WSCD2: variants seen among roughly 807,000 people sequenced by gnomAD.
WSCD2 encodes the protein WSC domain sialate O sulfotransferase 2.
WSCD2 carries 28 observed loss-of-function variants against 55.7 expected under a neutral mutation model. The observed-to-expected ratio is 0.50, with a 90% confidence interval of 0.37 to 0.69. The LOEUF is 0.69. Among genes scored for constraint, WSCD2 ranks in the 30% least tolerant of loss-of-function variants. The probability of loss-of-function intolerance (pLI) is 0.00; values close to 1 mark genes in which losing one functional copy is unlikely to be tolerated. For missense variants in WSCD2, 616 were observed against 762.1 expected (o/e 0.81, Z 2.26); for synonymous variants, 301 against 301.9 (o/e 1.00, Z 0.03).
At chr12:108,176,531 A>G (rs998609709) in intron 1 of WSCD2, among the ~76,000 whole-genome samples, 13 of 152,226 alleles carry the variant, frequency 8.5e-5, no homozygotes, top group Non-Finnish European at 1.5e-5. Flanking sequence ...ACTCCGTTGT[A>G]TGGAGGCACC....
chr12:108,225,194 A>C (rs2137163033), intron 5 of WSCD2, among the ~76,000 whole-genome samples: 1 of 152,372 alleles, frequency 6.6e-6, no homozygotes, highest in East Asian at 1.9e-4. Flanking sequence ...TAATGGACTC[A>C]CAGTTTCACA....
At chr12:108,171,333 G>T (rs570601494) in intron 1 of WSCD2, among the ~76,000 whole-genome samples, 2 of 63,582 alleles carry the variant, frequency 3.1e-5, no homozygotes, top group South Asian at 1.3e-3. Context: ...GAACGAAGAA[G>T]TCAAGAGAGA....
At chr12:108,181,628 A>G (rs1881772987) in intron 1 of WSCD2, among the ~76,000 whole-genome samples, 1 of 152,196 alleles carries the variant, frequency 6.6e-6, no homozygotes, top group Non-Finnish European at 1.5e-5. Flanking sequence ...TTGTTTTTAG[A>G]GACAGGGTCT....
At chr12:108,143,144 C>A (rs1877023696) in intron 1 of WSCD2, among the ~76,000 whole-genome samples, 1 of 152,212 alleles carries the variant, frequency 6.6e-6, no homozygotes, top group Non-Finnish European at 1.5e-5. Context: ...TCTTTTGGCT[C>A]CCATTTTCTC....
intron 1 of WSCD2, among the ~76,000 whole-genome samples, chr12:108,171,272 T>C (rs1389518499): frequency 1.3e-5 from 2 of 152,182 alleles, no homozygotes; most frequent in Admixed American, 6.5e-5. Context: ...ACTGGGAGCA[T>C]GTAGGGGAAC....
intron 8 of WSCD2, among the ~76,000 whole-genome samples, chr12:108,240,790 G>A (rs1889681486): frequency 6.6e-6 from 1 of 152,210 alleles, no homozygotes; most frequent in African/African-American, 2.4e-5. Flanking sequence ...GCATCGCACA[G>A]GGGATTAAAA....
At chr12:108,161,962 T>G (rs1879111680) in intron 1 of WSCD2, among the ~76,000 whole-genome samples, 2 of 152,198 alleles carry the variant, frequency 1.3e-5, no homozygotes, top group African/African-American at 4.8e-5. Flanking sequence ...CACTGTGCAC[T>G]GTCATCTCAA....
chr12:108,234,019 A>T (rs1889045909), intron 7 of WSCD2, among the ~76,000 whole-genome samples: 1 of 152,198 alleles, frequency 6.6e-6, no homozygotes, highest in African/African-American at 2.4e-5. Context: ...TACGTACCTC[A>T]TGAGGTTGTT....
chr12:108,222,601 A>G (rs151138469), intron 4 of WSCD2, among the ~76,000 whole-genome samples: 164 of 152,334 alleles, frequency 1.1e-3, no homozygotes, highest in African/African-American at 3.8e-3. Flanking sequence ...AGAATTTGAG[A>G]AACAACCCAA....
Position 108,249,112 on chromosome 12 carries a change from A to AAATGG in WSCD2, c.*769_*770insAATGG. The stretch of plus-strand genomic sequence containing the variant: ...GAGATCCTGATACCACCTTCAAGGA[A>AAATGG]CCTCAGGCACCAACAGTGAGCCCAC... On this transcript the variant is annotated 3_prime_UTR_variant, in exon 9 of 9. Transcript: ENST00000547525. The AAATGG allele has an allele frequency of 5.8e-6, 1 of 173,190 alleles. No individual in the cohort carries two copies. The highest frequency in any genetic ancestry group is 1.2e-5 in the Non-Finnish European group (1 of 86,920). The allele number at this position is 173,190 out of a possible 1,614,324, so 10.7% of individuals were successfully genotyped here.
At chr12:108,196,502 C>T (rs1423743467) in intron 2 of WSCD2, 1 of 388,776 alleles carries the variant, frequency 2.6e-6, no homozygotes, top group Non-Finnish European at 4.6e-6. Context: ...TAGCCTTTTA[C>T]AGTCCTTGTT....
At chr12:108,156,511 C>T (rs557224291) in intron 1 of WSCD2, among the ~76,000 whole-genome samples, 1 of 152,190 alleles carries the variant, frequency 6.6e-6, no homozygotes, top group Admixed American at 6.5e-5. Flanking sequence ...TTGAGCAGAG[C>T]CTTTCTAAGA....
At chr12:108,141,165 C>T (rs1048520688) in intron 1 of WSCD2, among the ~76,000 whole-genome samples, 1 of 152,216 alleles carries the variant, frequency 6.6e-6, no homozygotes, top group Non-Finnish European at 1.5e-5. Flanking sequence ...GTGATCCTTC[C>T]ACCTTAGTCT....
At chr12:108,202,346 A>G (rs933847) in intron 2 of WSCD2, among the ~76,000 whole-genome samples, 50,870 of 152,058 alleles carry the variant, frequency 0.33, 8,762 homozygotes, top group East Asian at 0.61. Flanking sequence ...TTCCAAAAGC[A>G]TTAATAAAGG....
At chr12:108,136,704 GTC>G (rs1876262366) in intron 1 of WSCD2, among the ~76,000 whole-genome samples, 1 of 151,758 alleles carries the variant, frequency 6.6e-6, no homozygotes, top group African/African-American at 2.4e-5. Context: ...CAGAGCCCAC[GTC>G]TCTCTGACCT....
intron 1 of WSCD2, among the ~76,000 whole-genome samples, chr12:108,146,335 G>T (rs1353964861): frequency 6.6e-6 from 1 of 152,158 alleles, no homozygotes; most frequent in South Asian, 2.1e-4. Context: ...GTGTGGGTGC[G>T]CCCCACTCTG....
intron 4 of WSCD2, among the ~76,000 whole-genome samples, chr12:108,219,464 C>T (rs548275834): frequency 4.7e-4 from 71 of 152,352 alleles, no homozygotes; most frequent in Middle Eastern, 6.8e-3. Flanking sequence ...CAGATGCACA[C>T]TGTGTGCACA....
intron 1 of WSCD2, among the ~76,000 whole-genome samples, chr12:108,179,542 C>T (rs1347916836): frequency 1.3e-5 from 2 of 152,180 alleles, no homozygotes; most frequent in African/African-American, 2.4e-5. Flanking sequence ...GTGAGGCCTC[C>T]CTTCTCTCTG....
chr12:108,220,289 T>C (rs1264294275), intron 4 of WSCD2, among the ~76,000 whole-genome samples: 1 of 152,174 alleles, frequency 6.6e-6, no homozygotes, highest in African/African-American at 2.4e-5. Context: ...ATATCAAGCG[T>C]TTACACAATG....
Sources: allele counts gnomAD v4.1 joint callset (sites outside exome capture counted in the v4.1 genomes callset), GRCh38; gene constraint gnomAD v4.1.1; transcripts MANE v1.5; gene names NCBI Gene and HGNC (gene_info 2026-07-23, HGNC 2026-07-21).